Variants in SORCS3 observed in about 807,000 individuals in gnomAD.
SORCS3 encodes the protein sortilin related VPS10 domain containing receptor 3.
Under a neutral mutation model 146.3 loss-of-function variants are expected in SORCS3, and 57 were observed. That is an observed-to-expected ratio of 0.39 (90% CI 0.31 to 0.49). The LOEUF (loss-of-function observed/expected upper bound fraction) is 0.49. Ranked by LOEUF, SORCS3 falls within the 20% of genes least tolerant of loss-of-function variation. The pLI, the probability that SORCS3 is intolerant of heterozygous loss-of-function variation, is 0.92. For missense variants in SORCS3, 1,341 were observed against 1,575.5 expected, an observed-to-expected ratio of 0.85 and a Z score of 2.52; for synonymous variants, 653 against 618.5, an observed-to-expected ratio of 1.06 and a Z score of -0.83.
intron 1 of SORCS3, among the ~76,000 whole-genome samples, chr10:104,781,117 C>T (rs1020937526): frequency 2.0e-5 from 3 of 152,204 alleles, no homozygotes; most frequent in Admixed American, 6.5e-5. Context: ...ACTCTGTAGG[C>T]AGGTGTAGTA....
intron 1 of SORCS3, among the ~76,000 whole-genome samples, chr10:104,778,866 G>C (rs1409743129): frequency 6.7e-6 from 1 of 148,332 alleles, no homozygotes; most frequent in African/African-American, 2.4e-5. Context: ...CCTGGAACCT[G>C]TGGATGTTAC....
chr10:105,061,306 T>G (rs1019194550), intron 5 of SORCS3, among the ~76,000 whole-genome samples: 1 of 150,874 alleles, frequency 6.6e-6, no homozygotes, highest in African/African-American at 2.4e-5. Flanking sequence ...TTTTTTTTTT[T>G]TTTTTTGAGG....
At chr10:104,728,224 A>G (rs1188076907) in intron 1 of SORCS3, among the ~76,000 whole-genome samples, 1 of 152,098 alleles carries the variant, frequency 6.6e-6, no homozygotes, top group Non-Finnish European at 1.5e-5. Flanking sequence ...TTTCCTTAAG[A>G]TAAATGCTTA....
intron 3 of SORCS3, among the ~76,000 whole-genome samples, chr10:104,933,315 T>TC (rs908721356): frequency 6.6e-6 from 1 of 151,960 alleles, no homozygotes. Flanking sequence ...TATTTTTTTT[T>TC]TTTTTATAAT....
chr10:105,182,838 G>A (rs1438664825), intron 14 of SORCS3, among the ~76,000 whole-genome samples: 2 of 151,934 alleles, frequency 1.3e-5, no homozygotes, highest in Non-Finnish European at 2.9e-5. Flanking sequence ...AAGTAGCTGG[G>A]ACTACAGGTG....
chr10:104,739,875 A>G (rs2133459429), intron 1 of SORCS3, among the ~76,000 whole-genome samples: 1 of 152,254 alleles, frequency 6.6e-6, no homozygotes, highest in Non-Finnish European at 1.5e-5. Flanking sequence ...GGATGGGAGG[A>G]TTTCTGGGTG....
chr10:104,970,487 A>C (rs955320769), intron 3 of SORCS3, among the ~76,000 whole-genome samples: 8 of 152,084 alleles, frequency 5.3e-5, no homozygotes, highest in African/African-American at 1.7e-4. Flanking sequence ...TGCGAGCACC[A>C]CAGATGCTTC....
At chr10:105,200,372 A>G (rs1401566082) in intron 15 of SORCS3, among the ~76,000 whole-genome samples, 3 of 152,232 alleles carry the variant, frequency 2.0e-5, no homozygotes, top group Admixed American at 2.0e-4. Flanking sequence ...GGTGTTGATG[A>G]TAACCTGGGG....
At position 104,962,215 on chromosome 10, in the gene SORCS3, G is replaced by A. The variant is rs188782308; in HGVS notation, c.796-15120G>A. ...GAGGATGCTGGGCTTTCTAGGTAGG[G>A]GAGTGGCATGGGCAAAGATAGGAAT... On this transcript the variant is annotated intron_variant, in intron 3 of 26. Coordinates refer to ENST00000369701, the MANE Select transcript of SORCS3 (RefSeq NM_014978.3). Among the ~76,000 whole-genome samples, 385 of 152,146 alleles carry A rather than the reference G, an allele frequency of 2.5e-3. 1 individual carries two copies. Among genetic ancestry groups the A allele is most frequent in the African/African-American group, 8.5e-3 (352 of 41,514 alleles).
At chr10:104,888,075 C>G (rs1589537000) in intron 2 of SORCS3, among the ~76,000 whole-genome samples, 1 of 151,922 alleles carries the variant, frequency 6.6e-6, no homozygotes, top group East Asian at 1.9e-4. Flanking sequence ...CTGTGCTCTC[C>G]CCTTGGACCT....
At chr10:105,210,076 A>G (rs1009616662) in intron 16 of SORCS3, among the ~76,000 whole-genome samples, 1 of 152,130 alleles carries the variant, frequency 6.6e-6, no homozygotes, top group Non-Finnish European at 1.5e-5. Context: ...AATTAAATTT[A>G]AATTTTTAGT....
intron 9 of SORCS3, among the ~76,000 whole-genome samples, chr10:105,156,625 C>G (rs907944013): frequency 6.6e-6 from 1 of 152,168 alleles, no homozygotes; most frequent in Admixed American, 6.5e-5. Flanking sequence ...TATCCAAAGT[C>G]ACATAGTGAG....
chr10:104,799,937 A>G (rs572751307), intron 1 of SORCS3, among the ~76,000 whole-genome samples: 8 of 152,182 alleles, frequency 5.3e-5, no homozygotes, highest in Admixed American at 2.0e-4. Context: ...CAGCCTCTCA[A>G]AGTGCTGGGA....
At chr10:104,736,433 C>A (rs904314660) in intron 1 of SORCS3, among the ~76,000 whole-genome samples, 1 of 152,176 alleles carries the variant, frequency 6.6e-6, no homozygotes, top group Admixed American at 6.5e-5. Flanking sequence ...CCACATGGTA[C>A]ACGGACACAT....
At chr10:105,220,255 T>G (rs2056692691) in intron 19 of SORCS3, among the ~76,000 whole-genome samples, 1 of 152,226 alleles carries the variant, frequency 6.6e-6, no homozygotes, top group South Asian at 2.1e-4. Context: ...TATGGTAGTG[T>G]TCCTTAGGAT....
At chr10:104,989,573 C>T (rs2054982212) in intron 4 of SORCS3, among the ~76,000 whole-genome samples, 1 of 152,072 alleles carries the variant, frequency 6.6e-6, no homozygotes, top group Admixed American at 6.6e-5. Context: ...GAAATGCTAT[C>T]CTGTGTATTT....
chr10:105,259,028 T>A (rs1184524857), intron 25 of SORCS3, among the ~76,000 whole-genome samples: 3 of 152,170 alleles, frequency 2.0e-5, no homozygotes, highest in Non-Finnish European at 4.4e-5. Flanking sequence ...GGAACCCCAG[T>A]AATGGCAACA....
intron 20 of SORCS3, among the ~76,000 whole-genome samples, chr10:105,242,941 TA>T (rs1158822589): frequency 3.4e-5 from 4 of 119,230 alleles, no homozygotes; most frequent in African/African-American, 1.3e-4. Flanking sequence ...AAATTATATA[TA>T]ATATATGATA....
chr10:104,940,344 T>TA (rs113311558), intron 3 of SORCS3, among the ~76,000 whole-genome samples: 35,803 of 138,688 alleles, frequency 0.26, 6,459 homozygotes, highest in African/African-American at 0.49. Flanking sequence ...CCGCACCCAT[T>TA]AACTCGTCAT....
Sources: gnomAD v4.1 joint callset for allele counts (sites outside exome capture counted in the v4.1 genomes callset) on GRCh38, gnomAD v4.1.1 for gene constraint, MANE v1.5 for transcripts, NCBI Gene and HGNC (gene_info 2026-07-23, HGNC 2026-07-21) for gene names.